Variants in ST6GAL1 observed in about 807,000 individuals in gnomAD.
ST6GAL1 encodes beta-galactoside alpha-2,6-sialyltransferase 1.
Under a neutral mutation model 38.0 loss-of-function variants are expected in ST6GAL1, and 20 were observed. The observed-to-expected ratio is 0.53, with a 90% CI of 0.37 to 0.77. The LOEUF is 0.77. Ranked by LOEUF, ST6GAL1 falls within the 30% of genes least tolerant of loss-of-function variation. The pLI is 0.00. For missense variants in ST6GAL1, 432 were observed against 496.4 expected, an observed-to-expected ratio of 0.87 and a Z score of 1.23; for synonymous variants, 196 against 188.2, an observed-to-expected ratio of 1.04 and a Z score of -0.34.
intron 5 of ST6GAL1, among the ~76,000 whole-genome samples, chr3:187,062,948 C>T (rs773888244): frequency 1.1e-4 from 17 of 151,934 alleles, no homozygotes; most frequent in Non-Finnish European, 2.1e-4. Flanking sequence ...TTGCCAAGGG[C>T]TAGGAGGAGA....
chr3:186,968,401 A>G (rs1715225088), intron 2 of ST6GAL1, among the ~76,000 whole-genome samples: 2 of 152,222 alleles, frequency 1.3e-5, no homozygotes, highest in Admixed American at 6.5e-5. Flanking sequence ...CACATACTTA[A>G]ATTGTACAAC....
intron 5 of ST6GAL1, among the ~76,000 whole-genome samples, chr3:187,058,920 C>T (rs1431173754): frequency 1.3e-5 from 2 of 152,050 alleles, no homozygotes; most frequent in Non-Finnish European, 2.9e-5. Context: ...GTATTACAGG[C>T]GTGAGCCATC....
chr3:187,047,071 G>A (rs1248247999), intron 4 of ST6GAL1, among the ~76,000 whole-genome samples: 2 of 151,928 alleles, frequency 1.3e-5, no homozygotes, highest in Admixed American at 6.6e-5. Context: ...TCAGCCTCCC[G>A]AGTAGCTGGG....
In ST6GAL1 at chr3:187,043,028, CT is replaced by C. The variant is rs1168209167; in HGVS notation, c.326del (p.Leu109ArgfsTer9). The C allele has an allele frequency of 6.2e-7, 1 of 1,614,196 alleles. No individual in the cohort carries two copies. Among genetic ancestry groups the C allele is most frequent in the Admixed American group, 1.7e-5 (1 of 60,024 alleles). The part of the protein sequence containing the change: ...DSSSKNLIPR[L>X]QKIWKNYLSM... The stretch of plus-strand genomic sequence containing the variant: ...CTCTTCCAAAAACCTTATCCCTAGG[CT>C]GCAAAAGATCTGGAAGAATTACCTA... On this transcript the variant is annotated frameshift_variant, in exon 4 of 8. Coordinates refer to ENST00000169298, the MANE Select transcript of ST6GAL1 (RefSeq NM_173216.2). LOFTEE classifies it high-confidence loss of function.
intron 5 of ST6GAL1, chr3:187,072,005 A>G (rs556128143): frequency 6.6e-6 from 1 of 152,298 alleles, no homozygotes; most frequent in East Asian, 1.9e-4. Flanking sequence ...AGATTCCTAA[A>G]CATGGAAGTA....
chr3:186,967,273 C>T (rs1159363468), intron 2 of ST6GAL1, among the ~76,000 whole-genome samples: 1 of 152,174 alleles, frequency 6.6e-6, no homozygotes, highest in Non-Finnish European at 1.5e-5. Flanking sequence ...CTCACTGCAA[C>T]CTCCGCCTCC....
At chr3:187,070,365 CCTCT>C (rs1471361864) in intron 5 of ST6GAL1, among the ~76,000 whole-genome samples, 2 of 151,184 alleles carry the variant, frequency 1.3e-5, no homozygotes, top group Non-Finnish European at 2.9e-5. Flanking sequence ...TCAGACACCC[CCTCT>C]CTCATGCTTA....
chr3:187,022,408 C>T (rs981566387), intron 2 of ST6GAL1, among the ~76,000 whole-genome samples: 7 of 152,010 alleles, frequency 4.6e-5, no homozygotes, highest in Admixed American at 2.0e-4. Flanking sequence ...GTCTTAAGTG[C>T]GTTTTAGGGA....
chr3:186,962,982 A>T (rs1714981739), intron 1 of ST6GAL1, among the ~76,000 whole-genome samples: 1 of 152,216 alleles, frequency 6.6e-6, no homozygotes, highest in Admixed American at 6.5e-5. Context: ...TAAAAACAAG[A>T]AACAGGTAGA....
chr3:186,967,412 G>A (rs553622325), intron 2 of ST6GAL1, among the ~76,000 whole-genome samples: 1 of 152,292 alleles, frequency 6.6e-6, no homozygotes, highest in East Asian at 1.9e-4. Context: ...GGCTGGTCTC[G>A]AGCTCCTGAC....
At chr3:186,947,756 C>T (rs991089034) in intron 1 of ST6GAL1, among the ~76,000 whole-genome samples, 1 of 152,268 alleles carries the variant, frequency 6.6e-6, no homozygotes, top group South Asian at 2.1e-4. Flanking sequence ...TGTGCCACTG[C>T]CTAGCCTGAG....
Position 186,945,644 on chromosome 3 carries a change from G to A in ST6GAL1, c.-325+14810G>A, listed in dbSNP as rs114603805. Among the ~76,000 whole-genome samples, 538 of 152,218 alleles carry A rather than the reference G, an allele frequency of 3.5e-3. 4 individuals are homozygous for A. The highest frequency in any genetic ancestry group is 0.012 in the African/African-American group (492 of 41,524). ...GTAGAAAGAATATACCAGAAATAGG[G>A]GGTTAGGGGAGACGTGAGGAGATGT... On this transcript the variant is annotated intron_variant, in intron 1 of 7. Coordinates refer to ENST00000169298, the MANE Select transcript of ST6GAL1 (RefSeq NM_173216.2).
Position 186,992,174 on chromosome 3 carries a change from T to C in ST6GAL1, c.-183+28248T>C, listed in dbSNP as rs573013593. ...ATCTCATCTTGAATTGTAATCCCCA[T>C]ATGTCAAGGGAGAGACCAGGTGGAG... is the stretch of plus-strand genomic sequence containing the variant. On this transcript the variant is annotated intron_variant, in intron 2 of 7. Transcript: ENST00000169298. 5.3e-5 allele frequency among the ~76,000 whole-genome samples: 8 copies of C among 152,266 alleles called. No homozygotes were observed. In the South Asian group the frequency reaches 1.7e-3, roughly 32 times the overall value.
At chr3:186,982,004 A>T (rs1011897856) in intron 2 of ST6GAL1, among the ~76,000 whole-genome samples, 1 of 152,208 alleles carries the variant, frequency 6.6e-6, no homozygotes, top group South Asian at 2.1e-4. Flanking sequence ...CTATGATAGC[A>T]GTCACGCTAT....
Position 186,997,641 on chromosome 3 carries a change from C to T in ST6GAL1, c.-183+33715C>T, listed in dbSNP as rs762427352. Among the ~76,000 whole-genome samples the T allele has an allele frequency of 3.0e-4, 45 of 151,826 alleles. 1 individual carries two copies. The highest frequency in any genetic ancestry group is 2.4e-4 in the African/African-American group (10 of 41,300). ...GTGTGGTAGCACACACCAGTAGTCA[C>T]GGCTACTCAGGAGGCTGAGGCGAGA... On this transcript the variant is annotated intron_variant, in intron 2 of 7. Coordinates refer to ENST00000169298, the MANE Select transcript of ST6GAL1 (RefSeq NM_173216.2).
chr3:187,035,678 A>G (rs1717906101), intron 2 of ST6GAL1, among the ~76,000 whole-genome samples: 1 of 152,156 alleles, frequency 6.6e-6, no homozygotes, highest in African/African-American at 2.4e-5. Context: ...TCAATAAATG[A>G]TGCTGGAATA....
intron 1 of ST6GAL1, among the ~76,000 whole-genome samples, chr3:186,954,057 CACTTATAAGTGAGAACA>C (rs1300373865): frequency 1.3e-5 from 2 of 152,106 alleles, no homozygotes; most frequent in Non-Finnish European, 2.9e-5. Flanking sequence ...GTTTAGCTCC[CACTTATAAGTGAGAACA>C]TATGGTGTTT....
At chr3:187,005,284 T>C (rs1364597167) in intron 2 of ST6GAL1, among the ~76,000 whole-genome samples, 1 of 145,234 alleles carries the variant, frequency 6.9e-6, no homozygotes, top group African/African-American at 2.5e-5. Context: ...TTTTTTTTTT[T>C]TTTTTTTTGA....
At chr3:186,937,240 T>C (rs1386127251) in intron 1 of ST6GAL1, among the ~76,000 whole-genome samples, 1 of 152,202 alleles carries the variant, frequency 6.6e-6, no homozygotes, top group Non-Finnish European at 1.5e-5. Context: ...ATATCAGCTG[T>C]TCGGCGTCTC....
Sources: allele counts gnomAD v4.1 joint callset (sites outside exome capture counted in the v4.1 genomes callset), GRCh38; gene constraint gnomAD v4.1.1; transcripts MANE v1.5; gene names NCBI Gene and HGNC (gene_info 2026-07-23, HGNC 2026-07-21).